Variants in PSME2 observed in about 807,000 individuals in gnomAD.
The protein encoded by PSME2 is proteasome activator complex subunit 2.
PSME2 carries 20 observed loss-of-function variants against 38.8 expected under a neutral mutation model. The ratio of observed to expected loss-of-function variants is 0.52; its 90% CI spans 0.36 to 0.75. The LOEUF (loss-of-function observed/expected upper bound fraction) is 0.75. Among genes scored for constraint, PSME2 ranks in the 30% least tolerant of loss-of-function variants. The pLI, the probability that PSME2 is intolerant of heterozygous loss-of-function variation, is 0.00. For synonymous variants in PSME2, 82 were observed against 102.5 expected (o/e 0.80, Z 1.21); for missense variants, 227 against 287.6 (o/e 0.79, Z 1.52).
In PSME2 at chr14:24,143,971, T is replaced by C; in HGVS notation, c.552+4A>G. ...GCTAAAAGGCTGGTGGACTATCCAC[T>C]CACTACATGAGTCTCCTTGGAGGCC... is the stretch of plus-strand genomic sequence containing the variant. On this transcript the variant is annotated splice_donor_region_variant and intron_variant, in intron 9 of 10. Transcript: ENST00000216802. The surrounding 1 kb of genome is among the most constrained non-coding windows in gnomAD (Gnocchi z 4.4). 2 of 1,613,946 alleles carry C rather than the reference T, an allele frequency of 1.2e-6. No individual in the cohort carries two copies. The highest frequency in any genetic ancestry group is 2.2e-5 in the South Asian group (2 of 91,082).
chr14:24,146,506 C>A (rs776034832), intron 1 of PSME2, 28 bp downstream of exon 1: 9 of 1,613,750 alleles, frequency 5.6e-6, no homozygotes, highest in East Asian at 2.2e-5. Context: ...GTTCTATGAC[C>A]CCTTCCTGGC....
intron 3 of PSME2, 98 bp from the exon 4 acceptor site, chr14:24,145,563 C>T: frequency 6.9e-7 from 1 of 1,453,454 alleles, no homozygotes; most frequent in South Asian, 1.2e-5. Flanking sequence ...TGCCTCCCAA[C>T]CTAGGCTCAT....
Position 24,143,656 on chromosome 14 carries a change from A to T in PSME2, c.568T>A (p.Leu190Met), listed in dbSNP as rs1257135180. The T allele has an allele frequency of 6.2e-7, 1 of 1,614,030 alleles. No individual in the cohort carries two copies. The highest frequency in any genetic ancestry group is 1.3e-5 in the African/African-American group (1 of 74,910). ...GCTGCCTCATCTCGCTCATGCACCA[A>T]GGCCCGGTAATCCATCTGCAATGTG... ...KETHVMDYRA[L>M]VHERDEAAYG... The change falls in exon 10 of 11, where the codon TTG becomes ATG. Residue 190 changes from leucine to methionine, a missense_variant. Around this residue, in one of 3 missense-constraint regions of PSME2, gnomAD observed 99 missense variants for 113.9 expected, o/e 0.87. Transcript: ENST00000216802. The surrounding 1 kb of genome is among the most constrained non-coding windows in gnomAD (Gnocchi z 4.4).
intron 3 of PSME2, 57 bp downstream of exon 3, chr14:24,145,653 G>A: frequency 1.9e-6 from 3 of 1,552,100 alleles, no homozygotes; most frequent in Admixed American, 1.7e-5. Flanking sequence ...AGCTAGAGAG[G>A]GTGGGCAAAG....
Position 24,146,505 on chromosome 14 carries a change from C to T in PSME2, c.48+29G>A, listed in dbSNP as rs375085064. On this transcript the variant is annotated intron_variant, in intron 1 of 10. Transcript: ENST00000216802. ...GCCTCCACCCAAGAGGGTTCTATGA[C>T]CCCTTCCTGGCCTCCGATTCCCCAT... 1.1e-4 allele frequency: 185 copies of T among 1,613,794 alleles called. No individual in the cohort carries two copies. In the African/African-American group the frequency reaches 2.3e-3, roughly 20 times the overall value.
At chr14:24,144,329 T>G in intron 7 of PSME2, 70 bp from the exon 8 acceptor site, 1 of 1,609,322 alleles carries the variant, frequency 6.2e-7, no homozygotes, top group Non-Finnish European at 8.5e-7. Flanking sequence ...TTCCTCCTCC[T>G]CCTGGTTCAT....
chr14:24,143,920 C>A lies in PSME2; in HGVS notation c.552+55G>T. 6.4e-7 allele frequency: 1 copy of A among 1,573,504 alleles called. No individual in the cohort carries two copies. On this transcript the variant is annotated intron_variant, in intron 9 of 10. Coordinates refer to ENST00000216802, the MANE Select transcript of PSME2 (RefSeq NM_002818.3). This position sits in a 1 kb window ranked among gnomAD's most constrained non-coding sequence, Gnocchi z 4.4. ...CAAACAAGACAAGGAGGACTTCTTCCTCCACACCTCCTCGTCCCACACCCA... is the reference window on the plus strand; with the variant it reads ...CAAACAAGACAAGGAGGACTTCTTCATCCACACCTCCTCGTCCCACACCCA...
At chr14:24,145,946 A>G (rs2038146839) in intron 2 of PSME2, 174 bp from the exon 3 acceptor site, 1 of 834,584 alleles carries the variant, frequency 1.2e-6, no homozygotes, top group African/African-American at 1.7e-5. Flanking sequence ...AACGAAGGTT[A>G]GGACTGTGAT....
At chr14:24,145,536 A>C in intron 3 of PSME2, 71 bp from the exon 4 acceptor site, 1 of 1,489,712 alleles carries the variant, frequency 6.7e-7, no homozygotes, top group African/African-American at 1.4e-5. Flanking sequence ...TTCCCTCCAT[A>C]CATCCCACTT....
At chr14:24,146,489 C>CA in intron 1 of PSME2, 45 bp downstream of exon 1, 1 of 1,613,066 alleles carries the variant, frequency 6.2e-7, no homozygotes, top group Non-Finnish European at 8.5e-7. Flanking sequence ...GGCCTCCACC[C>CA]AAGAGGGTTC....
intron 2 of PSME2, 84 bp downstream of exon 2, chr14:24,146,124 C>T: frequency 2.6e-6 from 4 of 1,524,980 alleles, no homozygotes; most frequent in East Asian, 2.3e-5. Context: ...TCTAGGGTGA[C>T]TTGGGGGGGT....
At chr14:24,144,633 T>C (rs545029273) in intron 6 of PSME2, 165 bp from the exon 7 acceptor site, 34 of 696,806 alleles carry the variant, frequency 4.9e-5, no homozygotes, top group Admixed American at 1.3e-4. Context: ...TTCAGAGATA[T>C]GTATTTATTG....
intron 6 of PSME2, 53 bp downstream of exon 6, chr14:24,145,005 G>C: frequency 6.5e-7 from 1 of 1,534,580 alleles, no homozygotes; most frequent in Non-Finnish European, 9.0e-7. Context: ...GAGGAGTCCA[G>C]GGCCTCACCT....
Position 24,145,406 on chromosome 14 carries a change from G to A in PSME2, c.204C>T (p.Ile68=). The change falls in exon 4 of 11, where the codon ATC becomes ATT. Residue 68 remains isoleucine, a synonymous_variant. Transcript: ENST00000216802. ...TSLRAPLDIP[I]PDPPPKDDEM... ...CATCATCCTTGGGTGGAGGGTCTGG[G>A]ATGGGGATGTCCAGTGGGGCCCGGA... The A allele has an allele frequency of 6.3e-7, 1 of 1,580,546 alleles. No homozygotes were observed. Among genetic ancestry groups the A allele is most frequent in the Non-Finnish European group, 8.6e-7 (1 of 1,163,538 alleles).
At position 24,145,725 on chromosome 14, in the gene PSME2, C is replaced by A; in HGVS notation, c.129G>T (p.Leu43=). The A allele has an allele frequency of 6.2e-7, 1 of 1,614,000 alleles. No individual in the cohort carries two copies. Among genetic ancestry groups the A allele is most frequent in the South Asian group, 1.1e-5 (1 of 91,076 alleles). ...CACTACTCACTTGCAAGAGCTGATT[C>A]AGGTATATGATTTTCTGTGGCAAGA... ...YRFLPQKIIY[L]NQLLQEDSLN... Residue 43 remains leucine, a synonymous_variant, in exon 3 of 11, where the codon CTG becomes CTT. Transcript: ENST00000216802.
At position 24,144,721 on chromosome 14, in the gene PSME2, T is replaced by C. The variant is rs143737553; in HGVS notation, c.361-253A>G. 4.9e-4 allele frequency: 283 copies of C among 579,748 alleles called. 3 individuals carry two copies. The East Asian group carries it at 8.2e-3, about 17-fold the overall frequency. 35.9% of individuals were successfully genotyped at this position (579,748 alleles called of 1,614,324 possible). On this transcript the variant is annotated intron_variant, in intron 6 of 10. Transcript: ENST00000216802. ...TTAAGGCTACCAGCTAGGTAACTGATAGAATCACGATTTGAACCTAAGCAG... is the reference window on the plus strand; with the variant it reads ...TTAAGGCTACCAGCTAGGTAACTGACAGAATCACGATTTGAACCTAAGCAG...
rs777382502 is a variant in PSME2 at position 24,144,219 on chromosome 14, A to G, written c.470T>C (p.Val157Ala). 6.2e-7 allele frequency: 1 copy of G among 1,614,126 alleles called. No individual in the cohort carries two copies. The highest frequency in any genetic ancestry group is 1.1e-5 in the South Asian group (1 of 91,078). ...LERVNAVKTKVEAFQTTISKY... is the reference protein window; with the variant it reads ...LERVNAVKTKAEAFQTTISKY... ...GGAAATGGTTGTCTGGAAAGCTTCC[A>G]CTTTGGTCTTGACGGCATTCACCCT... The change falls in exon 8 of 11, where the codon GTG becomes GCG. Residue 157 changes from valine (V) to alanine (A), a missense_variant. Coordinates refer to ENST00000216802, the MANE Select transcript of PSME2 (RefSeq NM_002818.3).
Position 24,144,467 on chromosome 14 carries a change from A to G in PSME2, c.362T>C (p.Val121Ala). 1 of 1,610,302 alleles carries G rather than the reference A, an allele frequency of 6.2e-7. No homozygotes were observed. Among genetic ancestry groups the G allele is most frequent in the Non-Finnish European group, 8.5e-7 (1 of 1,176,514 alleles). Residue 121 changes from valine to alanine, a missense_variant and splice_region_variant, in exon 7 of 11, where the codon GTG becomes GCG. Around this residue, in one of 3 missense-constraint regions of PSME2, gnomAD observed 48 missense variants for 96.4 expected, o/e 0.50. Transcript: ENST00000216802. ...GATCAGGTGTTGGATCCATGTAATC[A>G]CCTGTGTTAAGAGGTATCATGTAAG... ...VWTLKEKCIL[V>A]ITWIQHLIPK...
At position 24,145,961 on chromosome 14, in the gene PSME2, C is replaced by T. The variant is rs144479092; in HGVS notation, c.82-189G>A. 5 of 823,110 alleles carry T rather than the reference C, an allele frequency of 6.1e-6. No individual in the cohort carries two copies. The African/African-American group carries it at 6.8e-5, about 11-fold the overall frequency. The allele number at this position is 823,110 out of a possible 1,614,324, so 51.0% of individuals were successfully genotyped here. ...AACGAAGGTTAGGACTGTGATATTC[C>T]TGCTTTGGAAGCCATGGTTTTTTTC... On this transcript the variant is annotated intron_variant, in intron 2 of 10. Transcript: ENST00000216802.
Sources: allele counts gnomAD v4.1 joint callset, GRCh38; gene constraint gnomAD v4.1.1; regional missense constraint gnomAD v4.1.1; non-coding constraint Gnocchi (gnomAD v3.1); transcripts MANE v1.5; gene names NCBI Gene and HGNC (gene_info 2026-07-23, HGNC 2026-07-21).